The following SAMMSON variants were observed in gnomAD, a reference collection of about 807,000 sequenced individuals.
The protein encoded by SAMMSON is long intergenic non-protein coding RNA 1212.
chr3:70,202,340 GACA>G (rs1405130072), intron 4 of SAMMSON, among the ~76,000 whole-genome samples: 1 of 152,160 alleles, frequency 6.6e-6, no homozygotes, highest in Non-Finnish European at 1.5e-5. Flanking sequence ...TAGTCTATCT[GACA>G]ACAGTTAGTA....
chr3:70,013,492 A>T (rs2066967652), intron 2 of SAMMSON: 1 of 152,078 alleles, frequency 6.6e-6, no homozygotes, highest in Admixed American at 6.6e-5. Context: ...ATCTTCTTTC[A>T]TTCCGCTTCT....
At chr3:70,414,329 T>C (rs1296317755) in intron 2 of SAMMSON, among the ~76,000 whole-genome samples, 1 of 152,080 alleles carries the variant, frequency 6.6e-6, no homozygotes, top group Non-Finnish European at 1.5e-5. Flanking sequence ...GATGCTAGAC[T>C]TTATCAAAAT....
At chr3:70,159,566 C>T (rs1024137536) in intron 4 of SAMMSON, 6 of 151,942 alleles carry the variant, frequency 3.9e-5, no homozygotes, top group Non-Finnish European at 7.4e-5. Flanking sequence ...TTATTATTGT[C>T]TGACTTTTTT....
intron 3 of SAMMSON, among the ~76,000 whole-genome samples, chr3:70,020,375 T>G (rs1390002652): frequency 6.6e-6 from 1 of 152,148 alleles, no homozygotes; most frequent in Non-Finnish European, 1.5e-5. Context: ...TGACCTCTCC[T>G]AGGAAATGAC....
chr3:70,371,907 G>T (rs1292756656), intron 9 of SAMMSON, among the ~76,000 whole-genome samples: 1 of 152,028 alleles, frequency 6.6e-6, no homozygotes, highest in South Asian at 2.1e-4. Context: ...TTCTTGTTTT[G>T]TTCCAGTTCT....
intron 2 of SAMMSON, among the ~76,000 whole-genome samples, chr3:70,400,185 AAAT>A (rs1701128665): frequency 6.6e-6 from 1 of 152,214 alleles, no homozygotes; most frequent in South Asian, 2.1e-4. Flanking sequence ...AACAACCAGT[AAAT>A]AATAGTAGAC....
intron 2 of SAMMSON, among the ~76,000 whole-genome samples, chr3:70,431,213 C>T (rs1348581577): frequency 6.6e-6 from 1 of 152,030 alleles, no homozygotes; most frequent in East Asian, 1.9e-4. Context: ...AAATGGAGCC[C>T]TCACTAAGTT....
chr3:70,125,268 G>A (rs966240716), intron 4 of SAMMSON: 90 of 1,269,658 alleles, frequency 7.1e-5, no homozygotes, highest in Non-Finnish European at 9.9e-5. Flanking sequence ...ATGATCTACT[G>A]TGTTTCTGAT....
At chr3:70,349,029 T>C (rs1702772981) in intron 7 of SAMMSON, among the ~76,000 whole-genome samples, 1 of 152,130 alleles carries the variant, frequency 6.6e-6, no homozygotes, top group South Asian at 2.1e-4. Context: ...TCCTGGTTGC[T>C]GGAGCACATT....
Position 70,421,259 on chromosome 3 carries a change from A to G in SAMMSON, n.234-41301A>G, listed in dbSNP as rs189124855. On this transcript the variant is annotated intron_variant and non_coding_transcript_variant, in intron 2 of 3. Transcript: ENST00000641053. ...AAAACAATAAAAAACAAAAAGCTGC[A>G]TATGCTGAAATTTAAAAAATTGTAT... Among the ~76,000 whole-genome samples the G allele has an allele frequency of 1.8e-3, 274 of 152,290 alleles. 3 individuals carry two copies. Among genetic ancestry groups the G allele is most frequent in the African/African-American group, 6.3e-3 (264 of 41,598 alleles).
At chr3:70,085,075 G>A (rs1470731894) in intron 4 of SAMMSON, among the ~76,000 whole-genome samples, 2 of 152,124 alleles carry the variant, frequency 1.3e-5, no homozygotes, top group African/African-American at 4.8e-5. Flanking sequence ...GGATAAAGCG[G>A]TCAAGAGGTC....
At chr3:70,016,884 A>T (rs2066988456) in intron 3 of SAMMSON, among the ~76,000 whole-genome samples, 1 of 152,100 alleles carries the variant, frequency 6.6e-6, no homozygotes, top group African/African-American at 2.4e-5. Context: ...TTTGTCAAAG[A>T]TCAGATGGTT....
intron 2 of SAMMSON, among the ~76,000 whole-genome samples, chr3:70,407,935 GT>G (rs2106766775): frequency 1.3e-5 from 2 of 152,338 alleles, no homozygotes; most frequent in African/African-American, 4.8e-5. Flanking sequence ...ATCTAAGCAT[GT>G]CCATACTTCT....
intron 4 of SAMMSON, among the ~76,000 whole-genome samples, chr3:70,130,467 A>G (rs531339936): frequency 1.3e-5 from 2 of 152,318 alleles, no homozygotes; most frequent in East Asian, 3.9e-4. Context: ...GCTGTATGCT[A>G]TTCTTACAAC....
chr3:70,083,483 G>C (rs1449659245), intron 4 of SAMMSON, among the ~76,000 whole-genome samples: 1 of 152,170 alleles, frequency 6.6e-6, no homozygotes, highest in Non-Finnish European at 1.5e-5. Context: ...TATCCCATCT[G>C]TATAAGTCAC....
At chr3:70,145,136 C>T (rs2067543186) in intron 4 of SAMMSON, among the ~76,000 whole-genome samples, 1 of 152,064 alleles carries the variant, frequency 6.6e-6, no homozygotes, top group South Asian at 2.1e-4. Flanking sequence ...ACAGAAAACC[C>T]AATGCGATTA....
rs141814304 is a variant in SAMMSON, at chr3:70,235,502, T to G, written n.508-13605T>G. Among the ~76,000 whole-genome samples, 10 of 152,336 alleles carry G rather than the reference T, an allele frequency of 6.6e-5. No individual in the cohort carries two copies. In the East Asian group the frequency reaches 1.9e-3, roughly 29 times the overall value. ...AATTGTTGAATGAATGTTAAACACA[T>G]GAATACATGGCTCTAATCACCAAAT... On this transcript the variant is annotated intron_variant and non_coding_transcript_variant, in intron 4 of 9. Coordinates refer to ENST00000642114, the Ensembl canonical transcript of SAMMSON.
At chr3:69,999,607 C>T (rs1310379890), upstream of SAMMSON, 1 of 152,222 alleles carries the variant, frequency 6.6e-6, no homozygotes, top group Admixed American at 6.5e-5. Context: ...TCGGCTCTAC[C>T]CCCATGGATC....
chr3:70,275,874 T>G (rs1702020151), intron 6 of SAMMSON, among the ~76,000 whole-genome samples: 1 of 152,180 alleles, frequency 6.6e-6, no homozygotes, highest in African/African-American at 2.4e-5. Flanking sequence ...ACCGTGTGTT[T>G]AATTAGGCAA....
Sources: allele counts gnomAD v4.1 joint callset (sites outside exome capture counted in the v4.1 genomes callset), GRCh38; gene constraint gnomAD v4.1.1; transcripts MANE v1.5; gene names NCBI Gene and HGNC (gene_info 2026-07-23, HGNC 2026-07-21).